The following ARB2A variants were observed in gnomAD, a reference collection of about 807,000 sequenced individuals.
ARB2A encodes cotranscriptional regulator ARB2A.
the ARB2A span, among the ~76,000 whole-genome samples, chr5:93,804,030 T>C: frequency 6.6e-6 from 1 of 152,016 alleles, no homozygotes; most frequent in African/African-American, 2.4e-5. Context: ...ATTACCAGCA[T>C]GAACATACCC....
At chr5:93,820,354 A>G in the ARB2A span, among the ~76,000 whole-genome samples, 1 of 152,208 alleles carries the variant, frequency 6.6e-6, no homozygotes, top group Non-Finnish European at 1.5e-5. Context: ...GATCGCCTGG[A>G]AAGATAAGAG....
chr5:93,668,772 T>C, the ARB2A span, among the ~76,000 whole-genome samples: 4 of 152,180 alleles, frequency 2.6e-5, no homozygotes, highest in African/African-American at 7.2e-5. Flanking sequence ...ATCAAAGTCT[T>C]CTCTCTTCAT....
the ARB2A span, among the ~76,000 whole-genome samples, chr5:94,097,014 G>A: frequency 1.6e-4 from 25 of 152,192 alleles, no homozygotes; most frequent in Non-Finnish European, 3.5e-4. Flanking sequence ...AGAGCTGCTT[G>A]GAGAAGTGGC....
At chr5:93,756,179 C>T in the ARB2A span, among the ~76,000 whole-genome samples, 14 of 152,230 alleles carry the variant, frequency 9.2e-5, no homozygotes, top group South Asian at 2.7e-3. Flanking sequence ...ACTCCAGTGA[C>T]CTGGAAATCT....
At chr5:93,753,189 C>A in the ARB2A span, among the ~76,000 whole-genome samples, 1 of 152,172 alleles carries the variant, frequency 6.6e-6, no homozygotes, top group Non-Finnish European at 1.5e-5. Context: ...GACAACTCAA[C>A]TTGTCTACAC....
chr5:93,674,933 C>A, the ARB2A span, among the ~76,000 whole-genome samples: 1 of 152,160 alleles, frequency 6.6e-6, no homozygotes, highest in Non-Finnish European at 1.5e-5. Context: ...ATCCCCTATG[C>A]ACTGTTTACA....
chr5:93,783,871 T>TG, the ARB2A span, among the ~76,000 whole-genome samples: 1 of 152,170 alleles, frequency 6.6e-6, no homozygotes, highest in African/African-American at 2.4e-5. Context: ...GGCTAGCCCC[T>TG]GGGTTTCTCT....
At chr5:93,646,124 T>C in the ARB2A span, among the ~76,000 whole-genome samples, 8 of 152,158 alleles carry the variant, frequency 5.3e-5, no homozygotes, top group Admixed American at 1.3e-4. Flanking sequence ...GTAGTATCAG[T>C]AGTTCTTTAG....
the ARB2A span, among the ~76,000 whole-genome samples, chr5:93,914,251 C>G: frequency 4.0e-5 from 6 of 151,870 alleles, no homozygotes; most frequent in Admixed American, 1.3e-4. Flanking sequence ...GCTATGAGTA[C>G]TCCATATGAA....
the ARB2A span, among the ~76,000 whole-genome samples, chr5:93,844,497 G>A: frequency 6.6e-6 from 1 of 151,890 alleles, no homozygotes; most frequent in Non-Finnish European, 1.5e-5. Flanking sequence ...TCTATACCCA[G>A]CCAAAATATC....
the ARB2A span, among the ~76,000 whole-genome samples, chr5:93,749,866 AG>A: frequency 1.3e-5 from 2 of 152,320 alleles, no homozygotes; most frequent in African/African-American, 4.8e-5. Context: ...TTTAAAAAAA[AG>A]GGTGTTGGTG....
At chr5:93,785,795 C>T in the ARB2A span, among the ~76,000 whole-genome samples, 2 of 152,040 alleles carry the variant, frequency 1.3e-5, no homozygotes, top group African/African-American at 4.8e-5. Context: ...AAAATTTATC[C>T]TGCAATACCA....
At chr5:93,984,437 C>T in the ARB2A span, among the ~76,000 whole-genome samples, 3 of 152,124 alleles carry the variant, frequency 2.0e-5, no homozygotes, top group African/African-American at 4.8e-5. Context: ...TAAAATGTTG[C>T]AAGACTACAA....
the ARB2A span, among the ~76,000 whole-genome samples, chr5:93,859,691 C>T: frequency 6.6e-6 from 1 of 151,998 alleles, no homozygotes; most frequent in Non-Finnish European, 1.5e-5. Flanking sequence ...TCATAGATGG[C>T]CAATGAAAAA....
chr5:93,867,078 T>C, the ARB2A span, among the ~76,000 whole-genome samples: 1 of 152,180 alleles, frequency 6.6e-6, no homozygotes, highest in Non-Finnish European at 1.5e-5. Flanking sequence ...CAGATTTTAC[T>C]TTTAATAGAT....
chr5:93,910,729 G>A, the ARB2A span: 1 of 151,160 alleles, frequency 6.6e-6, no homozygotes, highest in African/African-American at 2.4e-5. Flanking sequence ...AATTGTCAAG[G>A]CATATACAAA....
At chr5:93,734,438 C>T in the ARB2A span, 5 of 152,080 alleles carry the variant, frequency 3.3e-5, no homozygotes, top group African/African-American at 1.2e-4. Context: ...AGAAGAGCCA[C>T]GGTCCTCTTT....
At chr5:93,734,369 T>A in the ARB2A span, 2 of 151,992 alleles carry the variant, frequency 1.3e-5, no homozygotes, top group African/African-American at 4.8e-5. Flanking sequence ...TCAAAAGAAA[T>A]CATTTGAAAA....
chr5:94,042,459 C>G, the ARB2A span, among the ~76,000 whole-genome samples: 1 of 151,898 alleles, frequency 6.6e-6, no homozygotes, highest in Non-Finnish European at 1.5e-5. Context: ...GCGCCCGCCA[C>G]CACGCCTGGC....
Sources: gnomAD v4.1 joint callset for allele counts (sites outside exome capture counted in the v4.1 genomes callset) on GRCh38, gnomAD v4.1.1 for gene constraint, MANE v1.5 for transcripts, NCBI Gene and HGNC (gene_info 2026-07-23, HGNC 2026-07-21) for gene names.